ANKFY1: variants seen among roughly 807,000 people sequenced by gnomAD.
The protein encoded by ANKFY1 is ankyrin repeat and FYVE domain containing 1.
Under a neutral mutation model 128.3 loss-of-function variants are expected in ANKFY1, and 47 were observed. The observed-to-expected ratio is 0.37, with a 90% CI of 0.29 to 0.47. The LOEUF (loss-of-function observed/expected upper bound fraction) is 0.47, where lower values mean the gene tolerates loss of function less well. Ranked by LOEUF, ANKFY1 falls within the 20% of genes least tolerant of loss-of-function variation. ANKFY1 has a pLI of 1.00. For synonymous variants in ANKFY1, 553 were observed against 601.6 expected (o/e 0.92, Z 1.18); for missense variants, 1,222 against 1,510.6 (o/e 0.81, Z 3.17).
intron 17 of ANKFY1, chr17:4,179,515 T>C: frequency 1.5e-6 from 1 of 648,344 alleles, no homozygotes; most frequent in Non-Finnish European, 2.6e-6. Context: ...GAGAAAGAGC[T>C]GAAACAAATC....
intron 1 of ANKFY1, among the ~76,000 whole-genome samples, chr17:4,261,318 A>G (rs1282722598): frequency 6.6e-6 from 1 of 152,210 alleles, no homozygotes; most frequent in Non-Finnish European, 1.5e-5. Flanking sequence ...GTGAAACCCC[A>G]TCTCTACAAA....
chr17:4,215,168 A>AG (rs1209568336), intron 4 of ANKFY1, among the ~76,000 whole-genome samples: 1 of 151,960 alleles, frequency 6.6e-6, no homozygotes, highest in Non-Finnish European at 1.5e-5. Context: ...AGTCGTCTGT[A>AG]ATCCCAGCTA....
chr17:4,181,104 A>G lies in ANKFY1; in HGVS notation c.2240+150T>C, dbSNP rs1299084579. On this transcript the variant is annotated intron_variant, in intron 16 of 24. Coordinates refer to ENST00000341657, the MANE Select transcript of ANKFY1 (RefSeq NM_001330063.2). The surrounding 1 kb of genome is among the most constrained non-coding windows in gnomAD (Gnocchi z 4.9). ...GAGCCTGGCTCCTGGCTGACTTGAC[A>G]TGACAGAACAGTGACTCTCTGATAA... 6.4e-6 allele frequency: 4 copies of G among 628,838 alleles called. No individual in the cohort carries two copies. The highest frequency in any genetic ancestry group is 4.4e-5 in the South Asian group (2 of 45,600). The allele number at this position is 628,838 out of a possible 1,614,324, so 39.0% of individuals were successfully genotyped here.
chr17:4,262,127 G>A (rs1023205423), intron 1 of ANKFY1, among the ~76,000 whole-genome samples: 4 of 152,220 alleles, frequency 2.6e-5, no homozygotes, highest in Admixed American at 6.5e-5. Context: ...AGAGTTGGGA[G>A]ACCAGCCTGG....
intron 3 of ANKFY1, among the ~76,000 whole-genome samples, chr17:4,217,551 A>G (rs1191257506): frequency 6.6e-6 from 1 of 152,198 alleles, no homozygotes; most frequent in Non-Finnish European, 1.5e-5. Context: ...CGTCTCAAAA[A>G]AAAGGTGACT....
intron 7 of ANKFY1, among the ~76,000 whole-genome samples, chr17:4,204,103 C>G (rs538514749): frequency 6.6e-6 from 1 of 152,204 alleles, no homozygotes; most frequent in South Asian, 2.1e-4. Context: ...TTGACAGATT[C>G]TAATGTGTGC....
chr17:4,262,325 G>A (rs938568854), intron 1 of ANKFY1, among the ~76,000 whole-genome samples: 8 of 152,106 alleles, frequency 5.3e-5, no homozygotes, highest in African/African-American at 1.7e-4. Flanking sequence ...GCAGTAGCAC[G>A]ATCTCAGCTC....
chr17:4,194,276 T>C lies in ANKFY1; in HGVS notation c.1372+702A>G, dbSNP rs2059776333. 2.6e-5 allele frequency among the ~76,000 whole-genome samples: 4 copies of C among 151,066 alleles called. No individual in the cohort carries two copies. The South Asian group carries it at 8.4e-4, about 32-fold the overall frequency. ...CCCGCCACCATGCCCAGCTGATAAT[T>C]TGTTTTTTCAGTAGCGACAGGTTTC... On this transcript the variant is annotated intron_variant, in intron 10 of 24. Coordinates refer to ENST00000341657, the MANE Select transcript of ANKFY1 (RefSeq NM_001330063.2).
chr17:4,183,291 C>T, intron 14 of ANKFY1, 107 bp downstream of exon 14: 2 of 1,366,416 alleles, frequency 1.5e-6, no homozygotes, highest in South Asian at 2.6e-5. Flanking sequence ...GTTTCCTTTC[C>T]TCTAACTAAT....
Position 4,169,755 on chromosome 17 carries a change from T to C in ANKFY1, c.3287-467A>G, listed in dbSNP as rs761064064. ...GGGTGATTTCCAGGCTTCCGGAGAG[T>C]GCCTGGGTCTGCAGTGGGACCATGG... On this transcript the variant is annotated intron_variant, in intron 23 of 24. Transcript: ENST00000341657. The surrounding 1 kb of genome is among the most constrained non-coding windows in gnomAD (Gnocchi z 5.0). 6.6e-6 allele frequency among the ~76,000 whole-genome samples: 1 copy of C among 151,840 alleles called. No homozygotes were observed. The highest frequency in any genetic ancestry group is 1.5e-5 in the Non-Finnish European group (1 of 67,924).
At chr17:4,235,468 A>AT (rs1966874941) in intron 3 of ANKFY1, among the ~76,000 whole-genome samples, 1 of 152,098 alleles carries the variant, frequency 6.6e-6, no homozygotes, top group Non-Finnish European at 1.5e-5. Flanking sequence ...TATTTACAGC[A>AT]TATTTTTTCA....
In ANKFY1 at chr17:4,197,639, A is replaced by G; in HGVS notation, c.899-62T>C. 3.4e-6 allele frequency: 5 copies of G among 1,480,900 alleles called. No individual in the cohort carries two copies. In the South Asian group the frequency reaches 5.9e-5, roughly 17 times the overall value. 91.7% of individuals were successfully genotyped at this position (1,480,900 alleles called of 1,614,324 possible). The stretch of plus-strand genomic sequence containing the variant: ...AAAGTATTCTGGCCAGTGCTTCTTC[A>G]AGAGGGAGCAGAAAATGACTGCAGA... On this transcript the variant is annotated intron_variant, in intron 7 of 24. Transcript: ENST00000341657.
At chr17:4,223,482 C>G (rs2060363122) in intron 3 of ANKFY1, 3 of 1,148,536 alleles carry the variant, frequency 2.6e-6, no homozygotes, top group Non-Finnish European at 4.0e-6. Context: ...AATGCCGTCT[C>G]ATGGACTATC....
intron 1 of ANKFY1, among the ~76,000 whole-genome samples, chr17:4,245,547 C>T (rs1967493089): frequency 6.6e-6 from 1 of 151,562 alleles, no homozygotes; most frequent in South Asian, 2.1e-4. Context: ...TGCTATGTTG[C>T]CAGGGCTACG....
In ANKFY1 at chr17:4,173,687, C is replaced by A. The variant is rs531955379; in HGVS notation, c.2923+222G>T. On this transcript the variant is annotated intron_variant, in intron 20 of 24. Transcript: ENST00000341657. Reference sequence around the variant, plus strand: ...CCCAAAGGTGAGATTTAACAGTTTCCCAAGGAGGCAGTGTGGGCTTCCAGG... The same window carrying A: ...CCCAAAGGTGAGATTTAACAGTTTCACAAGGAGGCAGTGTGGGCTTCCAGG... Among the ~76,000 whole-genome samples, 7 of 152,330 alleles carry A rather than the reference C, an allele frequency of 4.6e-5. 1 individual carries two copies. In the South Asian group the frequency reaches 1.0e-3, roughly 23 times the overall value.
At chr17:4,205,683 C>T (rs112117743) in intron 7 of ANKFY1, among the ~76,000 whole-genome samples, 15 of 150,622 alleles carry the variant, frequency 1.0e-4, no homozygotes, top group South Asian at 2.1e-4. Flanking sequence ...CGGAGCTTGC[C>T]GTGAGCCAAG....
Position 4,181,241 on chromosome 17 carries a change from G to A in ANKFY1, c.2240+13C>T, listed in dbSNP as rs1305197652. 2.5e-6 allele frequency: 4 copies of A among 1,603,114 alleles called. No individual in the cohort carries two copies. In the African/African-American group the frequency reaches 5.4e-5, roughly 21 times the overall value. The stretch of plus-strand genomic sequence containing the variant: ...ACTAAAAAGCTGTGGAGAGATACTG[G>A]GGACTCTCAGACCTGCGAATAAGAA... On this transcript the variant is annotated intron_variant, in intron 16 of 24. Coordinates refer to ENST00000341657, the MANE Select transcript of ANKFY1 (RefSeq NM_001330063.2). The surrounding 1 kb of genome is among the most constrained non-coding windows in gnomAD (Gnocchi z 4.9).
At chr17:4,245,056 TCTC>T (rs1382405557) in intron 1 of ANKFY1, among the ~76,000 whole-genome samples, 1 of 152,068 alleles carries the variant, frequency 6.6e-6, no homozygotes, top group Non-Finnish European at 1.5e-5. Context: ...TGCCAGTGGT[TCTC>T]CTCCTAGACC....
intron 3 of ANKFY1, among the ~76,000 whole-genome samples, chr17:4,231,284 C>T (rs1000789457): frequency 6.6e-6 from 1 of 152,062 alleles, no homozygotes; most frequent in African/African-American, 2.4e-5. Context: ...TCATCTGAGC[C>T]CAGGAGTTTG....
Sources: allele counts gnomAD v4.1 joint callset (sites outside exome capture counted in the v4.1 genomes callset), GRCh38; gene constraint gnomAD v4.1.1; non-coding constraint Gnocchi (gnomAD v3.1); transcripts MANE v1.5; gene names NCBI Gene and HGNC (gene_info 2026-07-23, HGNC 2026-07-21).